The following MYOCD variants were observed in gnomAD, a reference collection of about 807,000 sequenced individuals.
The protein encoded by MYOCD is myocardin.
MYOCD carries 32 observed loss-of-function variants against 96.1 expected under a neutral mutation model. That is an observed-to-expected ratio of 0.33 (90% CI 0.25 to 0.45). MYOCD has a LOEUF of 0.45. MYOCD is among the 20% of genes least tolerant of loss of function. The pLI, the probability that MYOCD is intolerant of heterozygous loss-of-function variation, is 1.00. For synonymous variants in MYOCD, 469 were observed against 469.0 expected (o/e 1.00, Z 0.00); for missense variants, 1,133 against 1,200.6 (o/e 0.94, Z 0.83).
Position 12,719,174 on chromosome 17 carries a change from C to CAAAAAAAAAAAAAAAAA in MYOCD, c.253+1767_253+1783dup, listed in dbSNP as rs71144920. On this transcript the variant is annotated intron_variant, in intron 4 of 13. Coordinates refer to ENST00000425538, the MANE Select transcript of MYOCD (RefSeq NM_001146312.3). ...GGGGCCACAGAGGGAGACTCTGTCT[C>CAAAAAAAAAAAAAAAAA]AAAAAAAAAAAAAAAAAAAAAAAAA... 8.1e-4 allele frequency among the ~76,000 whole-genome samples: 40 copies of CAAAAAAAAAAAAAAAAA among 49,154 alleles called. 1 individual carries two copies. Among genetic ancestry groups the CAAAAAAAAAAAAAAAAA allele is most frequent in the East Asian group, 9.2e-4 (1 of 1,082 alleles). The allele number at this position is 49,154 out of a possible 152,430, so 32.2% of individuals were successfully genotyped here. A position where few individuals can be genotyped will look rare whatever the true frequency, so the allele number is the denominator to read the frequency against.
At chr17:12,722,171 C>A (rs1260072666) in intron 4 of MYOCD, among the ~76,000 whole-genome samples, 1 of 152,168 alleles carries the variant, frequency 6.6e-6, no homozygotes, top group Admixed American at 6.5e-5. Flanking sequence ...GCTGGATTCT[C>A]TTCTGAGTTC....
rs1037586438 is a variant in MYOCD at position 12,765,264 on chromosome 17, G to C, written c.*1620G>C. The stretch of plus-strand genomic sequence containing the variant: ...CATGCTGTAGAAAGGAGCTATTGCT[G>C]TTGTTTTGTTTTTTTATTTAAATCA... On this transcript the variant is annotated 3_prime_UTR_variant, in exon 14 of 14. Coordinates refer to ENST00000425538, the MANE Select transcript of MYOCD (RefSeq NM_001146312.3). The C allele has an allele frequency of 2.0e-5, 3 of 150,304 alleles. No homozygotes were observed. Among genetic ancestry groups the C allele is most frequent in the Admixed American group, 6.6e-5 (1 of 15,078 alleles). 9.3% of individuals were successfully genotyped at this position (150,304 alleles called of 1,614,324 possible). A position where few individuals can be genotyped will look rare whatever the true frequency, so the allele number is the denominator to read the frequency against.
At chr17:12,681,802 C>A (rs1910483831) in intron 1 of MYOCD, among the ~76,000 whole-genome samples, 1 of 152,186 alleles carries the variant, frequency 6.6e-6, no homozygotes, top group African/African-American at 2.4e-5. Flanking sequence ...CCATCGAGGG[C>A]TACCTCAGTG....
intron 6 of MYOCD, among the ~76,000 whole-genome samples, chr17:12,736,985 T>G (rs1168918051): frequency 1.3e-5 from 2 of 152,238 alleles, no homozygotes; most frequent in Non-Finnish European, 2.9e-5. Flanking sequence ...CTGGGCACGG[T>G]GGCTCACGCC....
rs566571322 is a variant in MYOCD at position 12,683,802 on chromosome 17, C to A, written c.55+17559C>A. 2.6e-5 allele frequency among the ~76,000 whole-genome samples: 4 copies of A among 152,260 alleles called. No homozygotes were observed. In the South Asian group the frequency reaches 8.3e-4, roughly 32 times the overall value. On this transcript the variant is annotated intron_variant, in intron 1 of 13. Coordinates refer to ENST00000425538, the MANE Select transcript of MYOCD (RefSeq NM_001146312.3). ...CTCTAGGCTGTAAACTTTCCATAGG[C>A]AGAACTTGTGACAGTTTTATTCACA...
intron 1 of MYOCD, among the ~76,000 whole-genome samples, chr17:12,668,897 G>A (rs376392513): frequency 5.9e-5 from 9 of 152,094 alleles, no homozygotes; most frequent in African/African-American, 1.7e-4. Context: ...CAGTGGGACC[G>A]GCGGTTGGTC....
intron 1 of MYOCD, among the ~76,000 whole-genome samples, chr17:12,694,285 G>C (rs1366849514): frequency 6.6e-6 from 1 of 152,176 alleles, no homozygotes; most frequent in East Asian, 1.9e-4. Flanking sequence ...CCAAGCAAAA[G>C]CTGCAGGTGG....
intron 2 of MYOCD, 120 bp from the exon 3 acceptor site, chr17:12,715,399 C>A: frequency 1.4e-6 from 1 of 690,164 alleles, no homozygotes; most frequent in Non-Finnish European, 2.4e-6. Flanking sequence ...TTGCTTGTGG[C>A]CTAATAAAGG....
At chr17:12,687,202 A>T (rs1254410002) in intron 1 of MYOCD, among the ~76,000 whole-genome samples, 2 of 152,156 alleles carry the variant, frequency 1.3e-5, no homozygotes, top group Non-Finnish European at 2.9e-5. Context: ...GCTAAAAAAC[A>T]CTACACTTTC....
chr17:12,749,663 A>C (rs1187575522), intron 9 of MYOCD, among the ~76,000 whole-genome samples: 3 of 148,080 alleles, frequency 2.0e-5, no homozygotes, highest in South Asian at 2.1e-4. Flanking sequence ...GTATATATAC[A>C]CATATGTATA....
At chr17:12,675,150 A>G (rs1484771150) in intron 1 of MYOCD, among the ~76,000 whole-genome samples, 3 of 152,244 alleles carry the variant, frequency 2.0e-5, no homozygotes, top group Non-Finnish European at 2.9e-5. Flanking sequence ...TACTCAACTC[A>G]CTAGCGTTCA....
In MYOCD at chr17:12,736,204, T is replaced by C. The variant is rs1246734565; in HGVS notation, c.459T>C (p.Phe153=). 1.2e-6 allele frequency: 2 copies of C among 1,614,150 alleles called. No individual in the cohort carries two copies. The highest frequency in any genetic ancestry group is 1.7e-6 in the Non-Finnish European group (2 of 1,180,012). Reference sequence around the variant, plus strand: ...CCAAATCCACGGATGCTTTTGCCTTTGAAGAGGACAGCAGCAGCGATGGGC... The same window carrying C: ...CCAAATCCACGGATGCTTTTGCCTTCGAAGAGGACAGCAGCAGCGATGGGC... ...SFSKSTDAFA[F]EEDSSSDGLS... The change falls in exon 6 of 14, where the codon TTT becomes TTC. Residue 153 remains phenylalanine, a synonymous_variant. Coordinates refer to ENST00000425538, the MANE Select transcript of MYOCD (RefSeq NM_001146312.3).
chr17:12,697,568 T>C (rs757027468), intron 1 of MYOCD, among the ~76,000 whole-genome samples: 3 of 151,418 alleles, frequency 2.0e-5, no homozygotes, highest in Non-Finnish European at 1.5e-5. Flanking sequence ...TTCTTCACGT[T>C]AGCCAGGATG....
chr17:12,746,097 T>A, intron 9 of MYOCD, 25 bp downstream of exon 9: 1 of 1,610,002 alleles, frequency 6.2e-7, no homozygotes, highest in Non-Finnish European at 8.5e-7. Context: ...ATGAGTTTCT[T>A]TCTTTTTTTA....
chr17:12,728,973 C>T (rs2032085426), intron 5 of MYOCD, among the ~76,000 whole-genome samples: 1 of 152,160 alleles, frequency 6.6e-6, no homozygotes, highest in East Asian at 1.9e-4. Context: ...CACCAATGTG[C>T]CCCACGCTTA....
At position 12,666,168 on chromosome 17, in the gene MYOCD, A is replaced by G; in HGVS notation, c.-21A>G. 6.2e-7 allele frequency: 1 copy of G among 1,610,662 alleles called. No homozygotes were observed. On this transcript the variant is annotated 5_prime_UTR_variant, in exon 1 of 14. Transcript: ENST00000425538. ...ACAGGGGGCGCCTGGCCAAGGGACC[A>G]GCGGCTTGCTGAGACTCAACATGAC... is the stretch of plus-strand genomic sequence containing the variant.
intron 1 of MYOCD, among the ~76,000 whole-genome samples, chr17:12,682,993 C>G (rs1910570063): frequency 2.0e-5 from 3 of 152,098 alleles, no homozygotes; most frequent in South Asian, 2.1e-4. Context: ...ACTGGGGTAT[C>G]TCATCAAACT....
chr17:12,752,051 A>G (rs1462340418), intron 9 of MYOCD, among the ~76,000 whole-genome samples: 6 of 152,206 alleles, frequency 3.9e-5, no homozygotes, highest in African/African-American at 9.6e-5. Context: ...CTTCAAGACT[A>G]TTGTTGGAGG....
In MYOCD at chr17:12,758,418, A is replaced by G. The variant is rs1386016456; in HGVS notation, c.2331+205A>G. On this transcript the variant is annotated intron_variant, in intron 12 of 13. Transcript: ENST00000425538. ...TGTGAGGCAGGGAGAGAAGAGGGTCACCTGTCTGGCTTTGGTACCAGTTCT... is the reference window on the plus strand; with the variant it reads ...TGTGAGGCAGGGAGAGAAGAGGGTCGCCTGTCTGGCTTTGGTACCAGTTCT... The G allele has an allele frequency of 2.4e-5, 18 of 756,700 alleles. 1 individual carries two copies. In the East Asian group the frequency reaches 4.9e-4, roughly 20 times the overall value. 46.9% of individuals were successfully genotyped at this position (756,700 alleles called of 1,614,324 possible).
Sources: allele counts gnomAD v4.1 joint callset (sites outside exome capture counted in the v4.1 genomes callset), GRCh38; gene constraint gnomAD v4.1.1; transcripts MANE v1.5; gene names NCBI Gene and HGNC (gene_info 2026-07-23, HGNC 2026-07-21).